STAG1: variants seen among roughly 807,000 people sequenced by gnomAD.
STAG1 encodes the protein cohesin subunit SA-1.
STAG1 carries 26 observed loss-of-function variants against 170.9 expected under a neutral mutation model. That is an observed-to-expected ratio of 0.15 (90% CI 0.11 to 0.21). The LOEUF (loss-of-function observed/expected upper bound fraction) is 0.21. STAG1 is among the 10% of genes least tolerant of loss of function. The pLI, the probability that STAG1 is intolerant of heterozygous loss-of-function variation, is 1.00. For synonymous variants in STAG1, 514 were observed against 497.7 expected (o/e 1.03, Z -0.44); for missense variants, 964 against 1,509.5 (o/e 0.64, Z 5.99).
intron 1 of STAG1, among the ~76,000 whole-genome samples, chr3:136,747,458 G>A (rs1254489412): frequency 6.6e-6 from 1 of 152,098 alleles, no homozygotes; most frequent in Non-Finnish European, 1.5e-5. Flanking sequence ...GGAGGCCAAG[G>A]CGGGCTGATT....
In STAG1 at chr3:136,702,117, GAGAGAC is replaced by G. The variant is rs1359241533; in HGVS notation, c.-84+50072_-84+50077del. Among the ~76,000 whole-genome samples, 146 of 71,764 alleles carry G rather than the reference GAGAGAC, an allele frequency of 2.0e-3. 1 individual carries two copies. Among genetic ancestry groups the G allele is most frequent in the African/African-American group, 7.5e-3 (127 of 16,854 alleles). The allele number at this position is 71,764 out of a possible 152,430, so 47.1% of individuals were successfully genotyped here. A position where few individuals can be genotyped will look rare whatever the true frequency, so the allele number is the denominator to read the frequency against. ...AGAGAGAGAGAGAGAGAGAGAGAGA[GAGAGAC>G]AGAGAGACAGAGAGACAGAGAGACA... On this transcript the variant is annotated intron_variant, in intron 1 of 33. Coordinates refer to ENST00000383202, the MANE Select transcript of STAG1 (RefSeq NM_005862.3).
chr3:136,462,758 CATCAAAAT>C (rs1228962275), intron 13 of STAG1, among the ~76,000 whole-genome samples: 1 of 152,072 alleles, frequency 6.6e-6, no homozygotes, highest in Non-Finnish European at 1.5e-5. Flanking sequence ...TAGGTGCATG[CATCAAAAT>C]ATCACATGTA....
At chr3:136,478,966 T>G (rs925476308) in intron 9 of STAG1, among the ~76,000 whole-genome samples, 4 of 151,954 alleles carry the variant, frequency 2.6e-5, no homozygotes, top group Non-Finnish European at 1.5e-5. Context: ...TCACAGTTAC[T>G]ATGAGAATAA....
intron 22 of STAG1, among the ~76,000 whole-genome samples, chr3:136,394,938 CAAAAA>C (rs778204800): frequency 1.7e-5 from 1 of 59,318 alleles, no homozygotes; most frequent in Admixed American, 1.9e-4. Flanking sequence ...GACTCTGTCT[CAAAAA>C]AAAAAAAAAA....
intron 6 of STAG1, among the ~76,000 whole-genome samples, chr3:136,541,192 T>A (rs1935884783): frequency 6.6e-6 from 1 of 152,100 alleles, no homozygotes; most frequent in Non-Finnish European, 1.5e-5. Flanking sequence ...GCCCACTCCC[T>A]GTCAAAGAGC....
intron 1 of STAG1, among the ~76,000 whole-genome samples, chr3:136,708,336 C>T (rs1323846553): frequency 1.3e-5 from 2 of 151,844 alleles, no homozygotes; most frequent in African/African-American, 4.8e-5. Context: ...CTTCGATAAA[C>T]ATTGAAAACA....
At chr3:136,654,233 A>G (rs1941302333) in intron 1 of STAG1, among the ~76,000 whole-genome samples, 2 of 152,236 alleles carry the variant, frequency 1.3e-5, no homozygotes, top group African/African-American at 2.4e-5. Flanking sequence ...TCCTGTATGT[A>G]GAAAACCCTA....
intron 1 of STAG1, among the ~76,000 whole-genome samples, chr3:136,677,172 C>CATTTATT (rs1289029089): frequency 6.6e-6 from 1 of 152,092 alleles, no homozygotes; most frequent in Non-Finnish European, 1.5e-5. Context: ...GTGACATAGT[C>CATTTATT]ATTTATTATC....
At chr3:136,459,211 T>A (rs1176847576) in intron 13 of STAG1, among the ~76,000 whole-genome samples, 3 of 143,960 alleles carry the variant, frequency 2.1e-5, no homozygotes, top group African/African-American at 5.2e-5. Context: ...AGCGAGACTC[T>A]GTCTTAAAGA....
chr3:136,691,683 TA>T (rs765075562), intron 1 of STAG1, among the ~76,000 whole-genome samples: 1 of 152,220 alleles, frequency 6.6e-6, no homozygotes, highest in Non-Finnish European at 1.5e-5. Flanking sequence ...TTCAAGAAAT[TA>T]GATGGCCCAG....
chr3:136,493,223 G>A (rs1437853495), intron 9 of STAG1, among the ~76,000 whole-genome samples: 1 of 151,990 alleles, frequency 6.6e-6, no homozygotes, highest in East Asian at 1.9e-4. Context: ...TGTGCCTGTA[G>A]TCCCAGCTAC....
chr3:136,562,526 T>C (rs1033610970), intron 5 of STAG1, among the ~76,000 whole-genome samples: 3 of 151,840 alleles, frequency 2.0e-5, no homozygotes, highest in Admixed American at 6.6e-5. Context: ...TCTAAGATCA[T>C]GCACTGCAGC....
intron 6 of STAG1, among the ~76,000 whole-genome samples, chr3:136,537,187 C>T (rs922683744): frequency 4.6e-5 from 7 of 152,242 alleles, no homozygotes; most frequent in Admixed American, 4.6e-4. Flanking sequence ...GTGATGTATG[C>T]AACACAAATG....
intron 4 of STAG1, among the ~76,000 whole-genome samples, chr3:136,584,928 A>G (rs1937734152): frequency 1.3e-5 from 2 of 152,240 alleles, no homozygotes; most frequent in African/African-American, 4.8e-5. Flanking sequence ...CAGGACACTC[A>G]ATGAACTACA....
chr3:136,365,699 A>G (rs1937048515), intron 25 of STAG1, among the ~76,000 whole-genome samples: 1 of 152,112 alleles, frequency 6.6e-6, no homozygotes, highest in South Asian at 2.1e-4. Context: ...ATTAAATTAA[A>G]TGTAATGCCT....
intron 7 of STAG1, among the ~76,000 whole-genome samples, chr3:136,517,647 TA>T (rs2107898301): frequency 6.6e-6 from 1 of 152,032 alleles, no homozygotes; most frequent in South Asian, 2.1e-4. Flanking sequence ...CCTCAAAAAA[TA>T]AAAATGTCAT....
chr3:136,439,443 A>ACACACACAC lies in STAG1; in HGVS notation c.1546+3843_1546+3844insGTGTGTGTG, dbSNP rs1559802083. Among the ~76,000 whole-genome samples the ACACACACAC allele has an allele frequency of 1.5e-3, 68 of 44,908 alleles. 1 individual carries two copies. The highest frequency in any genetic ancestry group is 2.9e-3 in the African/African-American group (45 of 15,650). The allele number at this position is 44,908 out of a possible 152,430, so 29.5% of individuals were successfully genotyped here. A position where few individuals can be genotyped will look rare whatever the true frequency, so the allele number is the denominator to read the frequency against. ...ACACACACACACACACACACACACA[A>ACACACACAC]ACACTGTAAGACAGTCTTAAGGCCA... is the stretch of plus-strand genomic sequence containing the variant. On this transcript the variant is annotated intron_variant, in intron 15 of 33. Transcript: ENST00000383202.
chr3:136,561,599 T>G (rs1936842301), intron 5 of STAG1, among the ~76,000 whole-genome samples: 1 of 152,230 alleles, frequency 6.6e-6, no homozygotes, highest in Non-Finnish European at 1.5e-5. Flanking sequence ...ATAATAGTTT[T>G]GCAAACTGAT....
chr3:136,528,463 A>G (rs1935183549), intron 6 of STAG1, among the ~76,000 whole-genome samples: 1 of 150,452 alleles, frequency 6.6e-6, no homozygotes, highest in African/African-American at 2.4e-5. Flanking sequence ...CCAAAGGAAT[A>G]CAATAATTCC....
Sources: gnomAD v4.1 joint callset for allele counts (sites outside exome capture counted in the v4.1 genomes callset) on GRCh38, gnomAD v4.1.1 for gene constraint, MANE v1.5 for transcripts, NCBI Gene and HGNC (gene_info 2026-07-23, HGNC 2026-07-21) for gene names.